MORC1: variants seen among roughly 807,000 people sequenced by gnomAD.
MORC1 encodes MORC family CW-type zinc finger 1.
Under a neutral mutation model 134.9 loss-of-function variants are expected in MORC1, and 59 were observed. The observed-to-expected ratio is 0.44, with a 90% CI of 0.35 to 0.54. MORC1 has a LOEUF of 0.54. Ranked by LOEUF, MORC1 falls within the 20% of genes least tolerant of loss-of-function variation. The probability of loss-of-function intolerance (pLI) is 0.00; values close to 1 mark genes in which losing one functional copy is unlikely to be tolerated. For missense variants in MORC1, 947 were observed against 1,134.5 expected (o/e 0.83, Z 2.37); for synonymous variants, 395 against 391.7 (o/e 1.01, Z -0.10).
At chr3:109,108,647 C>T (rs1951089624) in intron 3 of MORC1, among the ~76,000 whole-genome samples, 1 of 152,090 alleles carries the variant, frequency 6.6e-6, no homozygotes. Flanking sequence ...CCTGTAATGC[C>T]AGCACTTTGC....
At chr3:109,076,110 C>T (rs1356539931) in intron 8 of MORC1, among the ~76,000 whole-genome samples, 1 of 152,082 alleles carries the variant, frequency 6.6e-6, no homozygotes, top group East Asian at 1.9e-4. Context: ...TATCCAGAAT[C>T]TACAAGGAAC....
chr3:109,057,516 T>C, intron 12 of MORC1, 30 bp from the exon 13 acceptor site: 1 of 1,545,902 alleles, frequency 6.5e-7, no homozygotes, highest in Non-Finnish European at 8.7e-7. Flanking sequence ...GTTTAAAAAG[T>C]TGTTTATTAA....
chr3:108,972,537 A>G (rs1947415808), intron 24 of MORC1, among the ~76,000 whole-genome samples: 1 of 152,092 alleles, frequency 6.6e-6, no homozygotes, highest in Non-Finnish European at 1.5e-5. Flanking sequence ...AACACTCCTT[A>G]GAGTTATTTG....
At chr3:109,036,537 T>G (rs1949384856) in intron 14 of MORC1, among the ~76,000 whole-genome samples, 1 of 152,192 alleles carries the variant, frequency 6.6e-6, no homozygotes. Context: ...AGAATCCATG[T>G]TTGACTGTTT....
At chr3:109,009,422 T>G (rs1023902766) in intron 17 of MORC1, among the ~76,000 whole-genome samples, 1 of 152,118 alleles carries the variant, frequency 6.6e-6, no homozygotes, top group Admixed American at 6.5e-5. Flanking sequence ...GCCAGGATGG[T>G]CTCCATCTCT....
At chr3:109,110,911 G>A (rs893093448) in intron 2 of MORC1, 128 bp from the exon 3 acceptor site, 33 of 619,524 alleles carry the variant, frequency 5.3e-5, no homozygotes, top group Middle Eastern at 8.1e-4. Flanking sequence ...TTTCTAAAAC[G>A]TTTCACCGTG....
chr3:109,108,431 G>T (rs6766155), intron 3 of MORC1, among the ~76,000 whole-genome samples: 133,978 of 152,130 alleles, frequency 0.88, 59,073 homozygotes, highest in East Asian at 0.93. Flanking sequence ...CTGAATGAAA[G>T]GCAGCTTACA....
chr3:108,992,760 C>T (rs1576606405), intron 21 of MORC1, among the ~76,000 whole-genome samples: 1 of 152,150 alleles, frequency 6.6e-6, no homozygotes, highest in African/African-American at 2.4e-5. Context: ...AGTTCTGCAG[C>T]TCCCGGTATT....
intron 25 of MORC1, 107 bp downstream of exon 25, chr3:108,971,223 C>G: frequency 1.1e-6 from 1 of 890,270 alleles, no homozygotes; most frequent in Admixed American, 2.1e-5. Flanking sequence ...CATCTTTATT[C>G]ACTTAAGCCA....
At chr3:109,116,594 G>A (rs745711524) in intron 1 of MORC1, among the ~76,000 whole-genome samples, 17 of 152,238 alleles carry the variant, frequency 1.1e-4, no homozygotes, top group East Asian at 1.9e-4. Context: ...AACATAGCCA[G>A]ACCCCATCTC....
At chr3:109,068,931 G>A (rs1390832139) in intron 9 of MORC1, among the ~76,000 whole-genome samples, 1 of 152,204 alleles carries the variant, frequency 6.6e-6, no homozygotes, top group Non-Finnish European at 1.5e-5. Context: ...CAAGGCAGGT[G>A]GATCAGTTGA....
chr3:109,061,018 T>C (rs1280708745), intron 11 of MORC1, among the ~76,000 whole-genome samples: 2 of 151,694 alleles, frequency 1.3e-5, no homozygotes, highest in African/African-American at 4.9e-5. Context: ...ACTAAGAGAA[T>C]TTGGGGCAAG....
intron 27 of MORC1, among the ~76,000 whole-genome samples, chr3:108,960,765 A>G (rs1003608475): frequency 2.6e-5 from 4 of 152,080 alleles, no homozygotes; most frequent in African/African-American, 9.7e-5. Context: ...CATTAGGCAT[A>G]CACCTTATAG....
rs567966943 is a variant in MORC1 at position 108,984,363 on chromosome 3, T to C, written c.2324+353A>G. Among the ~76,000 whole-genome samples the C allele has an allele frequency of 2.6e-4, 39 of 152,242 alleles. 1 individual carries two copies. The South Asian group carries it at 7.9e-3, about 31-fold the overall frequency. On this transcript the variant is annotated intron_variant, in intron 23 of 27. Coordinates refer to ENST00000232603, the MANE Select transcript of MORC1 (RefSeq NM_014429.4). ...ATTACATGTATGTATGACAATAAGATAATGAACCACAGAGAAAAAAAAATC... is the reference window on the plus strand; with the variant it reads ...ATTACATGTATGTATGACAATAAGACAATGAACCACAGAGAAAAAAAAATC...
intron 20 of MORC1, among the ~76,000 whole-genome samples, chr3:109,001,142 A>AT (rs1312201970): frequency 3.3e-5 from 5 of 151,324 alleles, no homozygotes; most frequent in East Asian, 1.9e-4. Context: ...TTTTATTTTT[A>AT]TTTTTTTTGA....
chr3:109,112,601 T>G (rs1013352320), intron 2 of MORC1, among the ~76,000 whole-genome samples: 1 of 152,222 alleles, frequency 6.6e-6, no homozygotes, highest in Non-Finnish European at 1.5e-5. Flanking sequence ...AGGCATGGGC[T>G]GGTCCCAAGA....
At chr3:109,106,671 C>T (rs375244163) in intron 3 of MORC1, among the ~76,000 whole-genome samples, 2 of 152,156 alleles carry the variant, frequency 1.3e-5, no homozygotes, top group East Asian at 3.9e-4. Flanking sequence ...CTCCTCACCC[C>T]TCACACGGGC....
At chr3:108,995,100 AG>A (rs1174265487) in intron 21 of MORC1, among the ~76,000 whole-genome samples, 4 of 152,222 alleles carry the variant, frequency 2.6e-5, no homozygotes, top group African/African-American at 9.6e-5. Context: ...TCCCAGATCC[AG>A]GGTGGTATGG....
intron 17 of MORC1, among the ~76,000 whole-genome samples, chr3:109,016,593 T>A (rs1340024141): frequency 6.6e-6 from 1 of 152,190 alleles, no homozygotes; most frequent in Non-Finnish European, 1.5e-5. Context: ...CCGGGCGCAG[T>A]GGCTCATGCC....
Sources: gnomAD v4.1 joint callset for allele counts (sites outside exome capture counted in the v4.1 genomes callset) on GRCh38, gnomAD v4.1.1 for gene constraint, MANE v1.5 for transcripts, NCBI Gene and HGNC (gene_info 2026-07-23, HGNC 2026-07-21) for gene names.